The following SEM1 variants were observed in gnomAD, a reference collection of about 807,000 sequenced individuals.
SEM1 encodes the protein 26S proteasome complex subunit SEM1.
SEM1 carries 3 observed loss-of-function variants against 12.7 expected under a neutral mutation model. The observed-to-expected ratio is 0.24, with a 90% CI of 0.11 to 0.61. The LOEUF (loss-of-function observed/expected upper bound fraction) is 0.61, where lower values mean the gene tolerates loss of function less well. Among genes scored for constraint, SEM1 ranks in the 20% least tolerant of loss-of-function variants. The probability of loss-of-function intolerance (pLI) is 0.88; values close to 1 mark genes in which losing one functional copy is unlikely to be tolerated. For synonymous variants in SEM1, 30 were observed against 27.8 expected, an observed-to-expected ratio of 1.08 and a Z score of -0.25; for missense variants, 59 against 81.3, an observed-to-expected ratio of 0.73 and a Z score of 1.06.
intron 2 of SEM1, among the ~76,000 whole-genome samples, chr7:96,629,829 G>A (rs1439685848): frequency 6.6e-6 from 1 of 152,188 alleles, no homozygotes; most frequent in Non-Finnish European, 1.5e-5. Flanking sequence ...GATCTAAGCT[G>A]TATGTGCTTT....
intron 2 of SEM1, chr7:96,647,428 C>A (rs780906758): frequency 9.2e-5 from 14 of 152,232 alleles, no homozygotes; most frequent in Non-Finnish European, 1.9e-4. Flanking sequence ...CAAATAGTTA[C>A]GTATGGTTTC....
downstream of SEM1, among the ~76,000 whole-genome samples, chr7:96,670,914 T>C (rs1382545139): frequency 2.0e-5 from 3 of 152,120 alleles, no homozygotes; most frequent in Non-Finnish European, 4.4e-5. Flanking sequence ...TAGCTTGAAA[T>C]ATAGGGAGGG....
At chr7:96,689,105 C>G (rs959110119) in intron 2 of SEM1, 139 bp from the exon 3 acceptor site, 6 of 503,012 alleles carry the variant, frequency 1.2e-5, no homozygotes, top group Non-Finnish European at 2.1e-5. Context: ...TTACTTTTGT[C>G]TCTGAAAAAA....
intron 2 of SEM1, among the ~76,000 whole-genome samples, chr7:96,559,853 A>T (rs573964743): frequency 6.6e-6 from 1 of 152,180 alleles, no homozygotes; most frequent in African/African-American, 2.4e-5. Flanking sequence ...CATGTCACTT[A>T]TAAATGGAGG....
intron 2 of SEM1, among the ~76,000 whole-genome samples, chr7:96,681,255 C>T (rs143639230): frequency 0.01 from 1,538 of 152,184 alleles, 15 homozygotes; most frequent in Non-Finnish European, 0.017. Flanking sequence ...TTAAGAAGCA[C>T]TGACAGCATT....
intron 2 of SEM1, among the ~76,000 whole-genome samples, chr7:96,628,477 A>G (rs914296019): frequency 2.0e-5 from 3 of 152,164 alleles, no homozygotes. Flanking sequence ...TAAACTGATG[A>G]CAACTGAATA....
At chr7:96,519,485 T>A (rs1804201542) in intron 2 of SEM1, among the ~76,000 whole-genome samples, 1 of 151,402 alleles carries the variant, frequency 6.6e-6, no homozygotes, top group African/African-American at 2.4e-5. Context: ...TAAGTGGGAT[T>A]GGAGATGTGA....
chr7:96,658,845 T>C (rs1278617399), intron 2 of SEM1, among the ~76,000 whole-genome samples: 1 of 152,174 alleles, frequency 6.6e-6, no homozygotes, highest in Non-Finnish European at 1.5e-5. Flanking sequence ...GGAATCCAGT[T>C]AGTGGTGCAA....
At chr7:96,556,393 CAA>C (rs1488404273) in intron 2 of SEM1, among the ~76,000 whole-genome samples, 1 of 152,008 alleles carries the variant, frequency 6.6e-6, no homozygotes, top group Non-Finnish European at 1.5e-5. Context: ...CTGGTGGTGA[CAA>C]AATTTCTTAG....
At chr7:96,624,223 C>T (rs1200649044) in intron 2 of SEM1, among the ~76,000 whole-genome samples, 2 of 151,800 alleles carry the variant, frequency 1.3e-5, no homozygotes, top group Non-Finnish European at 2.9e-5. Flanking sequence ...TTACGTGACT[C>T]AATAAAAATA....
At chr7:96,508,563 T>A (rs1037641465) in intron 2 of SEM1, among the ~76,000 whole-genome samples, 6 of 152,310 alleles carry the variant, frequency 3.9e-5, no homozygotes, top group Admixed American at 3.9e-4. Context: ...GCCTCTGCTG[T>A]CAGATAATCA....
chr7:96,534,499 T>C (rs1804732652), intron 2 of SEM1, among the ~76,000 whole-genome samples: 1 of 152,058 alleles, frequency 6.6e-6, no homozygotes, highest in Admixed American at 6.6e-5. Context: ...CAAAACAGAA[T>C]AGTTGATTTT....
chr7:96,672,404 C>T (rs1227653900), downstream of SEM1, among the ~76,000 whole-genome samples: 2 of 152,166 alleles, frequency 1.3e-5, no homozygotes, highest in East Asian at 1.9e-4. Flanking sequence ...AGAAGGCAGT[C>T]GTCCAACACC....
intron 2 of SEM1, chr7:96,653,585 GA>G (rs1809071916): frequency 6.6e-6 from 1 of 152,196 alleles, no homozygotes; most frequent in Non-Finnish European, 1.5e-5. Context: ...CTTTAGAGAA[GA>G]GTCGTGATAG....
chr7:96,511,237 C>A (rs1313450477), intron 2 of SEM1, among the ~76,000 whole-genome samples: 2 of 152,132 alleles, frequency 1.3e-5, no homozygotes, highest in African/African-American at 4.8e-5. Flanking sequence ...ACCACAGATT[C>A]ATTCATTCAG....
chr7:96,697,419 T>C (rs1034066375), intron 1 of SEM1: 1 of 152,074 alleles, frequency 6.6e-6, no homozygotes, highest in Non-Finnish European at 1.5e-5. Context: ...GAATCTTCTT[T>C]CAACTTAGAA....
chr7:96,634,836 A>C (rs73392875), intron 2 of SEM1, among the ~76,000 whole-genome samples: 3,185 of 152,102 alleles, frequency 0.021, 82 homozygotes, highest in African/African-American at 0.073. Context: ...GACAGGAGTT[A>C]GATTTTGTAG....
intron 2 of SEM1, among the ~76,000 whole-genome samples, chr7:96,682,915 C>G (rs963368371): frequency 1.1e-4 from 16 of 152,090 alleles, no homozygotes; most frequent in African/African-American, 3.9e-4. Flanking sequence ...AAATACTTCT[C>G]AAAAGAAGAC....
Position 96,595,849 on chromosome 7 carries a change from C to T in SEM1, c.171-89151G>A, listed in dbSNP as rs566591415. Among the ~76,000 whole-genome samples the T allele has an allele frequency of 2.6e-5, 4 of 152,234 alleles. No individual in the cohort carries two copies. The South Asian group carries it at 8.3e-4, about 32-fold the overall frequency. On this transcript the variant is annotated intron_variant and NMD_transcript_variant, in intron 2 of 3. Transcript: ENST00000466986. ...AACCTGAAGTGAACGCTGAGGTTGT[C>T]CAAACTCATAAAACTCGGTTGCATC...
Sources: allele counts gnomAD v4.1 joint callset (sites outside exome capture counted in the v4.1 genomes callset), GRCh38; gene constraint gnomAD v4.1.1; transcripts MANE v1.5; gene names NCBI Gene and HGNC (gene_info 2026-07-23, HGNC 2026-07-21).